ZNF503: variants seen among roughly 807,000 people sequenced by gnomAD.
ZNF503 encodes zinc finger protein 503.
ZNF503 carries 15 observed loss-of-function variants against 34.4 expected under a neutral mutation model. That is an observed-to-expected ratio of 0.44 (90% CI 0.29 to 0.67). The LOEUF (loss-of-function observed/expected upper bound fraction) is 0.67, where lower values mean the gene tolerates loss of function less well. ZNF503 is among the 30% of genes least tolerant of loss of function. ZNF503 has a pLI of 0.13. For synonymous variants in ZNF503, 580 were observed against 456.8 expected (o/e 1.27, Z -3.44); for missense variants, 1,007 against 926.8 (o/e 1.09, Z -1.12).
At chr10:75,360,659 T>C in the ZNF503 span, 2 of 152,216 alleles carry the variant, frequency 1.3e-5, no homozygotes, top group Non-Finnish European at 2.9e-5. Flanking sequence ...GAAGGTAATG[T>C]TCTATAGAGG....
At position 75,399,289 on chromosome 10, in the gene ZNF503, C is replaced by G. The variant is rs1236825828; in HGVS notation, c.1401G>C (p.Pro467=). The change falls in exon 2 of 2, where the codon CCG becomes CCC. Residue 467 remains proline, a synonymous_variant. Coordinates refer to ENST00000372524, the MANE Select transcript of ZNF503 (RefSeq NM_032772.6). ...AAAAALKSGY[P]LVYPTHPLHG... ...GCAGCGGGTGCGTGGGGTACACCAG[C>G]GGGTATCCGGACTTCAGCGCCGCAG... 2 of 1,600,598 alleles carry G rather than the reference C, an allele frequency of 1.2e-6. No homozygotes were observed. The highest frequency in any genetic ancestry group is 2.3e-5 in the East Asian group (1 of 44,302).
chr10:75,323,506 T>C, the ZNF503 span, among the ~76,000 whole-genome samples: 1 of 152,214 alleles, frequency 6.6e-6, no homozygotes, highest in African/African-American at 2.4e-5. Context: ...CAGCAATATT[T>C]GAGGTTTCCA....
chr10:75,359,561 T>A, the ZNF503 span, among the ~76,000 whole-genome samples: 1 of 152,130 alleles, frequency 6.6e-6, no homozygotes, highest in Admixed American at 6.5e-5. Context: ...TCAGCACCCA[T>A]CCCTCCTACA....
chr10:75,348,087 C>T, the ZNF503 span, among the ~76,000 whole-genome samples: 2 of 151,436 alleles, frequency 1.3e-5, no homozygotes, highest in Non-Finnish European at 2.9e-5. Flanking sequence ...TTTTTTGAGA[C>T]AGTCTTGCTC....
the ZNF503 span, among the ~76,000 whole-genome samples, chr10:75,326,295 C>T: frequency 6.6e-6 from 1 of 152,188 alleles, no homozygotes; most frequent in Non-Finnish European, 1.5e-5. Context: ...TTACAGACAT[C>T]TTTACCATTC....
At chr10:75,379,669 C>T in the ZNF503 span, among the ~76,000 whole-genome samples, 2 of 152,176 alleles carry the variant, frequency 1.3e-5, no homozygotes, top group East Asian at 3.8e-4. Flanking sequence ...GGGAAGGAAT[C>T]CTCTTGGATC....
At chr10:75,285,941 G>A in the ZNF503 span, among the ~76,000 whole-genome samples, 1 of 151,982 alleles carries the variant, frequency 6.6e-6, no homozygotes, top group African/African-American at 2.4e-5. Context: ...TTTCTCATTT[G>A]TATCGGGTGG....
At chr10:75,324,053 T>G in the ZNF503 span, among the ~76,000 whole-genome samples, 2 of 70,290 alleles carry the variant, frequency 2.8e-5, no homozygotes, top group African/African-American at 7.9e-5. Flanking sequence ...TGAGCATTTT[T>G]TATACATTTT....
chr10:75,385,154 G>T, the ZNF503 span, among the ~76,000 whole-genome samples: 1 of 152,150 alleles, frequency 6.6e-6, no homozygotes, highest in Non-Finnish European at 1.5e-5. Context: ...GGCCAGCAAG[G>T]CAGTGAGCTG....
In ZNF503 at chr10:75,400,050, C is replaced by T. The variant is rs912074292; in HGVS notation, c.640G>A (p.Val214Ile). 6.3e-7 allele frequency: 1 copy of T among 1,589,314 alleles called. No homozygotes were observed. The highest frequency in any genetic ancestry group is 1.7e-5 in the Admixed American group (1 of 57,542). ...AATGGCTGGCAGGTGGCGCTCGGTA[C>T]CCGGAATCCCGACTTCTCCGACGAA... The part of the protein sequence containing the change: ...GVSSEKSGFR[V>I]PSATCQPFTP... Residue 214 changes from valine to isoleucine, a missense_variant, in exon 2 of 2, where the codon GTA becomes ATA. Physicochemically the swap from Val to Ile is conservative, Grantham distance 29. Transcript: ENST00000372524.
chr10:75,371,561 C>T, the ZNF503 span, among the ~76,000 whole-genome samples: 2 of 152,184 alleles, frequency 1.3e-5, no homozygotes, highest in African/African-American at 4.8e-5. Context: ...GATTTCACAC[C>T]CAGAGCCAGA....
At chr10:75,341,691 A>C in the ZNF503 span, among the ~76,000 whole-genome samples, 3 of 152,248 alleles carry the variant, frequency 2.0e-5, no homozygotes, top group Non-Finnish European at 2.9e-5. Flanking sequence ...ACATTACTCA[A>C]TAAATGGTTT....
chr10:75,362,451 C>A, the ZNF503 span, among the ~76,000 whole-genome samples: 1 of 152,184 alleles, frequency 6.6e-6, no homozygotes, highest in South Asian at 2.1e-4. Flanking sequence ...CCCTTGCTCA[C>A]CCCCAGCCCA....
At chr10:75,285,639 C>T in the ZNF503 span, among the ~76,000 whole-genome samples, 4 of 152,290 alleles carry the variant, frequency 2.6e-5, no homozygotes, top group South Asian at 6.2e-4. Flanking sequence ...TGTTGAAAGC[C>T]GGACACTGAC....
chr10:75,290,996 C>T, the ZNF503 span, among the ~76,000 whole-genome samples: 1 of 152,180 alleles, frequency 6.6e-6, no homozygotes, highest in African/African-American at 2.4e-5. Context: ...AAGGCCCTTT[C>T]ATTGTCTCTG....
At chr10:75,317,022 G>A in the ZNF503 span, among the ~76,000 whole-genome samples, 1 of 152,098 alleles carries the variant, frequency 6.6e-6, no homozygotes. Context: ...GCTCACTGCA[G>A]CCTCAAACTC....
chr10:75,374,238 G>T, the ZNF503 span, among the ~76,000 whole-genome samples: 1 of 152,094 alleles, frequency 6.6e-6, no homozygotes, highest in African/African-American at 2.4e-5. Flanking sequence ...GGAGATGGAG[G>T]TTGCAGTGAG....
At chr10:75,321,196 T>C in the ZNF503 span, among the ~76,000 whole-genome samples, 3 of 152,162 alleles carry the variant, frequency 2.0e-5, no homozygotes, top group Non-Finnish European at 2.9e-5. Context: ...ACTTGGATTG[T>C]TAGTTTCCTG....
downstream of ZNF503, among the ~76,000 whole-genome samples, chr10:75,393,480 A>G (rs1843664926): frequency 6.6e-6 from 1 of 152,202 alleles, no homozygotes; most frequent in Non-Finnish European, 1.5e-5. Flanking sequence ...AAGGTTGCCC[A>G]TGAGGTGATC....
Sources: gnomAD v4.1 joint callset for allele counts (sites outside exome capture counted in the v4.1 genomes callset) on GRCh38, gnomAD v4.1.1 for gene constraint, MANE v1.5 for transcripts, NCBI Gene and HGNC (gene_info 2026-07-23, HGNC 2026-07-21) for gene names.